The following ZNF446 variants were observed in gnomAD, a reference collection of about 807,000 sequenced individuals.
ZNF446 encodes zinc finger protein 446.
ZNF446 carries 42 observed loss-of-function variants against 34.0 expected under a neutral mutation model. That is an observed-to-expected ratio of 1.23 (90% confidence interval 0.96 to 1.60). The LOEUF is 1.60. Among genes scored for constraint, ZNF446 ranks in the 40% most tolerant of loss-of-function variants. ZNF446 has a pLI of 0.00. For missense variants in ZNF446, 650 were observed against 600.2 expected (o/e 1.08, Z -0.87); for synonymous variants, 315 against 251.0 (o/e 1.25, Z -2.41).
chr19:58,477,177 A>G lies in ZNF446; in HGVS notation c.-40-2A>G. 4 of 1,477,154 alleles carry G rather than the reference A, an allele frequency of 2.7e-6. No individual in the cohort carries two copies. The highest frequency in any genetic ancestry group is 2.6e-5 in the South Asian group (2 of 75,734). 91.5% of individuals were successfully genotyped at this position (1,477,154 alleles called of 1,614,324 possible). A position where few individuals can be genotyped will look rare whatever the true frequency, so the allele number is the denominator to read the frequency against. ...GACATTCCGACCCTTCCTTTTCTGTAGGCCCATCTTGACGATTCCAAGACC... is the reference window on the plus strand; with the variant it reads ...GACATTCCGACCCTTCCTTTTCTGTGGGCCCATCTTGACGATTCCAAGACC... On this transcript the variant is annotated splice_acceptor_variant, in intron 1 of 6. Coordinates refer to ENST00000594369, the MANE Select transcript of ZNF446 (RefSeq NM_017908.4). LOFTEE classifies it low-confidence loss of function (5UTR_SPLICE).
rs764604114 is a variant in ZNF446, at chr19:58,480,383, GTGGCCGCGGCTTCGAC to G, written c.1014_1029del (p.Arg339SerfsTer22). The G allele has an allele frequency of 1.1e-4, 183 of 1,611,070 alleles. No homozygotes were observed. The highest frequency in any genetic ancestry group is 1.4e-4 in the Non-Finnish European group (171 of 1,179,340). ...AGGAAGCCCTACACGTGCGAGCAGTGTGGCCGCGGCTTCGACTGGAAGTCAGTGTTCGTCATCCACC... is the reference window on the plus strand; with the variant it reads ...AGGAAGCCCTACACGTGCGAGCAGTGTGGAAGTCAGTGTTCGTCATCCACC... On this transcript the variant is annotated frameshift_variant, in exon 7 of 7. Coordinates refer to ENST00000594369, the MANE Select transcript of ZNF446 (RefSeq NM_017908.4). LOFTEE classifies it low-confidence loss of function (END_TRUNC). This position sits in a 1 kb window ranked among gnomAD's most constrained non-coding sequence, Gnocchi z 7.2.
Position 58,477,245 on chromosome 19 carries a change from C to A in ZNF446, c.27C>A (p.Cys9Ter). ...TGCCATCCCCTCTGGGTCCCCCATG[C>A]CTGCCCGTCATGGACCCAGAGACCA... MPSPLGPP[C>*]LPVMDPETTL... Residue 9 changes from cysteine to a stop codon, truncating the protein, a stop_gained, in exon 2 of 7, where the codon TGC becomes TGA. Transcript: ENST00000594369. LOFTEE classifies it high-confidence loss of function. 6.3e-7 allele frequency: 1 copy of A among 1,589,906 alleles called. No homozygotes were observed. Among genetic ancestry groups the A allele is most frequent in the Non-Finnish European group, 8.6e-7 (1 of 1,165,672 alleles).
intron 4 of ZNF446, 149 bp from the exon 5 acceptor site, chr19:58,479,491 TAAC>T (rs2053117560): frequency 1.3e-6 from 1 of 771,562 alleles, no homozygotes; most frequent in Non-Finnish European, 2.1e-6. Context: ...CCTCTGCACT[TAAC>T]AAACACACAC....
intron 4 of ZNF446, among the ~76,000 whole-genome samples, chr19:58,479,104 G>C (rs929885484): frequency 6.6e-6 from 1 of 152,130 alleles, no homozygotes; most frequent in Non-Finnish European, 1.5e-5. Flanking sequence ...GATGTGTTTC[G>C]AGGCTAAGAA....
In ZNF446 at chr19:58,479,740, C is replaced by CA; in HGVS notation, c.712+14dup. ...GTGGTCTCCCTGGGTGAGGACCAGC[C>CA]AGCCCCACCCCGCCCCTCTCCCTGG... On this transcript the variant is annotated intron_variant, in intron 5 of 6. Transcript: ENST00000594369. 1 of 1,605,758 alleles carries CA rather than the reference C, an allele frequency of 6.2e-7. No individual in the cohort carries two copies. Among genetic ancestry groups the CA allele is most frequent in the Middle Eastern group, 1.7e-4 (1 of 6,050 alleles).
intron 4 of ZNF446, 102 bp downstream of exon 4, chr19:58,478,283 C>T: frequency 9.4e-7 from 1 of 1,062,974 alleles, no homozygotes; most frequent in Non-Finnish European, 1.4e-6. Context: ...TGACTAGTGG[C>T]TCTTTGCTTC....
rs369335183 is a variant in ZNF446 at position 58,480,003 on chromosome 19, C to T, written c.786C>T (p.Cys262=). The T allele has an allele frequency of 6.5e-5, 103 of 1,585,982 alleles. No individual in the cohort carries two copies. The African/African-American group carries it at 1.2e-3, about 18-fold the overall frequency. The change falls in exon 6 of 7, where the codon TGC becomes TGT. Residue 262 remains cysteine, a synonymous_variant. Transcript: ENST00000594369. The surrounding 1 kb of genome is among the most constrained non-coding windows in gnomAD (Gnocchi z 7.2). ...LGMLLTGTGV[C]RSLRSGNESE... ...TGCTGCTCACGGGGACAGGCGTCTG[C>T]AGAAGCCTGCGCTCGGGTGAGTGCC...
Position 58,480,113 on chromosome 19 carries a change from G to A in ZNF446, c.803-63G>A. The A allele has an allele frequency of 6.4e-7, 1 of 1,564,272 alleles. No individual in the cohort carries two copies. The highest frequency in any genetic ancestry group is 8.6e-7 in the Non-Finnish European group (1 of 1,161,862). On this transcript the variant is annotated intron_variant, in intron 6 of 6. Coordinates refer to ENST00000594369, the MANE Select transcript of ZNF446 (RefSeq NM_017908.4). The surrounding 1 kb of genome is among the most constrained non-coding windows in gnomAD (Gnocchi z 7.2). ...TGGGGGGACGGGAGCTTGTGCCACG[G>A]CCACAAGCCTGAGGGAGGGGTTGCT...
chr19:58,488,808 G>A, the ZNF446 span, among the ~76,000 whole-genome samples: 12 of 137,876 alleles, frequency 8.7e-5, no homozygotes, highest in East Asian at 2.3e-3. Flanking sequence ...CCAAGATCAC[G>A]CCACTGCACT....
At position 58,477,756 on chromosome 19, in the gene ZNF446, C is replaced by T. The variant is rs778479482; in HGVS notation, c.462C>T (p.Thr154=). 2 of 1,612,050 alleles carry T rather than the reference C, an allele frequency of 1.2e-6. No homozygotes were observed. Among genetic ancestry groups the T allele is most frequent in the Non-Finnish European group, 1.7e-6 (2 of 1,179,166 alleles). Reference sequence around the variant, plus strand: ...CCCCTGGGGAAGGTCCCCAGGACACCAGAATAGAGGGGTCTGTCCAGCTCA... The same window carrying T: ...CCCCTGGGGAAGGTCCCCAGGACACTAGAATAGAGGGGTCTGTCCAGCTCA... ...VESPGEGPQD[T]RIEGSVQLSC... The change falls in exon 3 of 7, where the codon ACC becomes ACT. Residue 154 remains threonine, a synonymous_variant. Transcript: ENST00000594369.
At position 58,480,063 on chromosome 19, in the gene ZNF446, C is replaced by T. The variant is rs373308211; in HGVS notation, c.802+44C>T. On this transcript the variant is annotated intron_variant, in intron 6 of 6. Coordinates refer to ENST00000594369, the MANE Select transcript of ZNF446 (RefSeq NM_017908.4). This position sits in a 1 kb window ranked among gnomAD's most constrained non-coding sequence, Gnocchi z 7.2. ...CCAGCCTGAATCACCCCTCCTGTAT[C>T]GGTGGGACCTGAGCCACCCACTCAT... 72 of 1,560,638 alleles carry T rather than the reference C, an allele frequency of 4.6e-5. No homozygotes were observed. The African/African-American group carries it at 7.4e-4, about 16-fold the overall frequency.
chr19:58,477,895 G>C (rs1287767008), intron 3 of ZNF446, 69 bp downstream of exon 3: 2 of 1,435,134 alleles, frequency 1.4e-6, no homozygotes, highest in Non-Finnish European at 1.8e-6. Context: ...GCTAGGGTGG[G>C]AGTCCCAGGA....
At chr19:58,485,317 T>C (rs543655767), downstream of ZNF446, among the ~76,000 whole-genome samples, 9 of 148,306 alleles carry the variant, frequency 6.1e-5, no homozygotes, top group Admixed American at 4.8e-4. Context: ...CTGGCCAACA[T>C]GGTGAAAGCC....
chr19:58,488,848 C>CAAAA, the ZNF446 span, among the ~76,000 whole-genome samples: 49 of 102,296 alleles, frequency 4.8e-4, no homozygotes, highest in South Asian at 9.7e-4. Flanking sequence ...AAGACTCCGT[C>CAAAA]AAAAAAAAAA....
intron 4 of ZNF446, among the ~76,000 whole-genome samples, chr19:58,478,883 G>A (rs2122444681): frequency 6.6e-6 from 1 of 152,170 alleles, no homozygotes; most frequent in African/African-American, 2.4e-5. Context: ...CCACACCTGA[G>A]ACCAGATGGA....
In ZNF446 at chr19:58,480,278, C is replaced by A. The variant is rs753699853; in HGVS notation, c.905C>A (p.Pro302His). ...EGLSGAATPA[P>H]TVRPGTPPVP... ...TTGTCTGGGGCTGCCACTCCTGCCC[C>A]CACTGTGCGCCCAGGGACACCGCCA... The change falls in exon 7 of 7, where the codon CCC becomes CAC. Residue 302 changes from proline to histidine, a missense_variant. By Grantham distance (77) the Pro-to-His change is moderately conservative. Coordinates refer to ENST00000594369, the MANE Select transcript of ZNF446 (RefSeq NM_017908.4). The surrounding 1 kb of genome is among the most constrained non-coding windows in gnomAD (Gnocchi z 7.2). 4 of 1,577,846 alleles carry A rather than the reference C, an allele frequency of 2.5e-6. No individual in the cohort carries two copies. The South Asian group carries it at 3.4e-5, about 14-fold the overall frequency.
downstream of ZNF446, among the ~76,000 whole-genome samples, chr19:58,482,320 T>C (rs1413774201): frequency 6.6e-6 from 1 of 152,102 alleles, no homozygotes; most frequent in African/African-American, 2.4e-5. Context: ...TCATCATATC[T>C]TGTCCCCTAC....
chr19:58,485,962 C>T (rs1282891475), downstream of ZNF446, among the ~76,000 whole-genome samples: 3 of 151,980 alleles, frequency 2.0e-5, no homozygotes, highest in Non-Finnish European at 2.9e-5. Context: ...CTCTGTCACC[C>T]GGGGTGAAGT....
chr19:58,487,656 A>G, the ZNF446 span, among the ~76,000 whole-genome samples: 1 of 152,040 alleles, frequency 6.6e-6, no homozygotes, highest in Non-Finnish European at 1.5e-5. Flanking sequence ...TAAAAATATA[A>G]AAATTAGCCA....
Sources: gnomAD v4.1 joint callset for allele counts (sites outside exome capture counted in the v4.1 genomes callset) on GRCh38, gnomAD v4.1.1 for gene constraint, Gnocchi (gnomAD v3.1) non-coding constraint, MANE v1.5 for transcripts, NCBI Gene and HGNC (gene_info 2026-07-23, HGNC 2026-07-21) for gene names.